The following ILDR2 variants were observed in gnomAD, a reference collection of about 807,000 sequenced individuals.
ILDR2 encodes the protein immunoglobulin-like domain-containing receptor 2.
In ILDR2, 25 loss-of-function variants were observed where a neutral mutation model predicts 66.8. The observed-to-expected ratio is 0.37, with a 90% CI of 0.27 to 0.52. ILDR2 has a LOEUF of 0.52. Ranked by LOEUF, ILDR2 falls within the 20% of genes least tolerant of loss-of-function variation. The pLI is 0.88. For synonymous variants in ILDR2, 367 were observed against 357.2 expected (o/e 1.03, Z -0.31); for missense variants, 827 against 876.8 (o/e 0.94, Z 0.72).
At chr1:166,970,236 A>G (rs1663203898) in intron 1 of ILDR2, among the ~76,000 whole-genome samples, 2 of 152,318 alleles carry the variant, frequency 1.3e-5, no homozygotes, top group African/African-American at 4.8e-5. Context: ...TGTCCTGTCC[A>G]GCAACAGCTC....
intron 4 of ILDR2, among the ~76,000 whole-genome samples, chr1:166,938,893 G>A (rs1418202845): frequency 1.3e-5 from 2 of 152,166 alleles, no homozygotes; most frequent in East Asian, 3.9e-4. Context: ...CTAGGTTGGT[G>A]GATTCAACTG....
At chr1:166,897,002 G>C (rs966721771) in intron 2 of ILDR2, among the ~76,000 whole-genome samples, 1 of 152,178 alleles carries the variant, frequency 6.6e-6, no homozygotes, top group African/African-American at 2.4e-5. Flanking sequence ...CTTACATTAT[G>C]TTTCTATTGC....
At chr1:166,948,733 G>A (rs867231231) in intron 3 of ILDR2, among the ~76,000 whole-genome samples, 8 of 152,140 alleles carry the variant, frequency 5.3e-5, no homozygotes, top group African/African-American at 2.4e-5. Context: ...GCCTCTGCCC[G>A]TGGAATGGGC....
intron 6 of ILDR2, among the ~76,000 whole-genome samples, chr1:166,933,807 G>C (rs1557938585): frequency 6.6e-6 from 1 of 152,164 alleles, no homozygotes; most frequent in Non-Finnish European, 1.5e-5. Flanking sequence ...CTAATTATCT[G>C]TGTGTCACTG....
At chr1:166,961,860 T>C (rs1318444415) in intron 1 of ILDR2, among the ~76,000 whole-genome samples, 1 of 152,182 alleles carries the variant, frequency 6.6e-6, no homozygotes, top group East Asian at 1.9e-4. Context: ...AGGAGTTCAA[T>C]AGTGACAGTG....
intron 3 of ILDR2, among the ~76,000 whole-genome samples, chr1:166,950,717 G>T (rs1661925780): frequency 7.7e-6 from 1 of 129,620 alleles, no homozygotes; most frequent in Admixed American, 7.7e-5. Flanking sequence ...TGAATAATTT[G>T]ATCTAAAATA....
At position 166,920,791 on chromosome 1, in the gene ILDR2, G is replaced by A. The variant is rs773747676; in HGVS notation, c.1800C>T (p.Thr600=). Residue 600 remains threonine (T), a synonymous_variant, in exon 9 of 10, where the codon ACC becomes ACT. Transcript: ENST00000271417. ...ALPPYSELEL[T]RGPSYRGRDL... ...CGCGGCCGCGGTAGGACGGGCCGCG[G>A]GTCAGCTCCAGCTCGCTGTAGGGCG... 5 of 1,531,538 alleles carry A rather than the reference G, an allele frequency of 3.3e-6. No homozygotes were observed. Among genetic ancestry groups the A allele is most frequent in the African/African-American group, 2.8e-5 (2 of 70,570 alleles). 94.9% of individuals were successfully genotyped at this position (1,531,538 alleles called of 1,614,324 possible). A position where few individuals can be genotyped will look rare whatever the true frequency, so the allele number is the denominator to read the frequency against.
chr1:166,919,008 G>C lies in ILDR2; in HGVS notation c.*347C>G, dbSNP rs1296677492. 3 of 413,702 alleles carry C rather than the reference G, an allele frequency of 7.3e-6. No homozygotes were observed. Among genetic ancestry groups the C allele is most frequent in the Admixed American group, 4.0e-5 (1 of 24,764 alleles). 25.6% of individuals were successfully genotyped at this position (413,702 alleles called of 1,614,324 possible). A position where few individuals can be genotyped will look rare whatever the true frequency, so the allele number is the denominator to read the frequency against. ...ATTGTAGGCATAGGCAATTTCTGGA[G>C]TTTAGCAGTCCAGAGCTAACTCTCT... On this transcript the variant is annotated 3_prime_UTR_variant, in exon 10 of 10. Coordinates refer to ENST00000271417, the MANE Select transcript of ILDR2 (RefSeq NM_199351.3).
At chr1:166,935,604 G>T in intron 5 of ILDR2, 127 bp from the exon 6 acceptor site, 1 of 815,728 alleles carries the variant, frequency 1.2e-6, no homozygotes, top group Non-Finnish European at 1.9e-6. Flanking sequence ...GTGAGCGTTT[G>T]TTCTTCTAAA....
chr1:166,929,354 C>T (rs1660495725), intron 6 of ILDR2, among the ~76,000 whole-genome samples: 1 of 152,196 alleles, frequency 6.6e-6, no homozygotes, highest in South Asian at 2.1e-4. Flanking sequence ...CTCTCTCTAA[C>T]TTACAAATCA....
chr1:166,969,628 C>T (rs759725126), intron 1 of ILDR2, among the ~76,000 whole-genome samples: 2 of 152,160 alleles, frequency 1.3e-5, no homozygotes, highest in Non-Finnish European at 2.9e-5. Context: ...GATTTCATTA[C>T]GAAAAACTAA....
chr1:166,904,836 C>T (rs1173994877), downstream of ILDR2, among the ~76,000 whole-genome samples: 1 of 152,146 alleles, frequency 6.6e-6, no homozygotes, highest in Non-Finnish European at 1.5e-5. Context: ...GGCCCAGACG[C>T]CGTTCTCTGG....
rs759364500 is a variant in ILDR2 at position 166,921,319 on chromosome 1, G to A, written c.1272C>T (p.Ala424=). The A allele has an allele frequency of 6.3e-7, 1 of 1,590,006 alleles. No homozygotes were observed. The highest frequency in any genetic ancestry group is 8.6e-7 in the Non-Finnish European group (1 of 1,165,496). ...SRKNFATGVP[A]VSMDELAAFA... is the part of the protein sequence containing the mutation. ...AGGCCGCCAGCTCGTCCATGGAAACGGCCGGCACCCCCGTGGCGAAGTTCT... is the reference window on the plus strand; with the variant it reads ...AGGCCGCCAGCTCGTCCATGGAAACAGCCGGCACCCCCGTGGCGAAGTTCT... Residue 424 remains alanine (A), a synonymous_variant, in exon 9 of 10, where the codon GCC becomes GCT. Transcript: ENST00000271417. This position sits in a 1 kb window ranked among gnomAD's most constrained non-coding sequence, Gnocchi z 5.3.
At position 166,912,973 on chromosome 1, in the gene ILDR2, C is replaced by G. The variant is rs1361654930; in HGVS notation, c.*6382G>C. On this transcript the variant is annotated 3_prime_UTR_variant, in exon 10 of 10. Transcript: ENST00000271417. ...TCTGAATGTTACAGTCTGTGGAGAG[C>G]AGTAAGAGTGACAACAGAATTTATC... The G allele has an allele frequency of 1.3e-5, 2 of 152,162 alleles. No homozygotes were observed. The highest frequency in any genetic ancestry group is 6.6e-5 in the Admixed American group (1 of 15,266). 9.4% of individuals were successfully genotyped at this position (152,162 alleles called of 1,614,324 possible).
chr1:166,958,862 C>A lies in ILDR2; in HGVS notation c.47-761G>T, dbSNP rs151203950. Among the ~76,000 whole-genome samples the A allele has an allele frequency of 6.7e-3, 1,019 of 152,308 alleles. 9 individuals are homozygous for A. Among genetic ancestry groups the A allele is most frequent in the African/African-American group, 0.023 (961 of 41,560 alleles). Reference sequence around the variant, plus strand: ...CTCTTCTTGCTACAGTTCAGATGATCTTTCTAAACTGATTGTTATGGCTCT... The same window carrying A: ...CTCTTCTTGCTACAGTTCAGATGATATTTCTAAACTGATTGTTATGGCTCT... On this transcript the variant is annotated intron_variant, in intron 1 of 9. Coordinates refer to ENST00000271417, the MANE Select transcript of ILDR2 (RefSeq NM_199351.3).
downstream of ILDR2, among the ~76,000 whole-genome samples, chr1:166,903,604 G>C (rs1489769761): frequency 6.6e-6 from 1 of 152,206 alleles, no homozygotes; most frequent in East Asian, 1.9e-4. Context: ...ACAAAAAAGA[G>C]AAGAGATTTG....
downstream of ILDR2, among the ~76,000 whole-genome samples, chr1:166,906,326 G>A (rs1258343153): frequency 1.3e-5 from 2 of 152,162 alleles, no homozygotes. Flanking sequence ...GTGACAGGGC[G>A]AACACTGCAG....
In ILDR2 at chr1:166,909,623, G is replaced by T. The variant is rs1303007107; in HGVS notation, c.*9732C>A. On this transcript the variant is annotated 3_prime_UTR_variant, in exon 10 of 10. Transcript: ENST00000271417. ...CCAGCAACAAAAAGAGGCTGGGAGGGTGGGGTTGTATATTAATGTCCATTA... is the reference window on the plus strand; with the variant it reads ...CCAGCAACAAAAAGAGGCTGGGAGGTTGGGGTTGTATATTAATGTCCATTA... 6.6e-6 allele frequency: 1 copy of T among 151,368 alleles called. No homozygotes were observed. The highest frequency in any genetic ancestry group is 1.5e-5 in the Non-Finnish European group (1 of 67,904). The allele number at this position is 151,368 out of a possible 1,614,324, so 9.4% of individuals were successfully genotyped here. A position where few individuals can be genotyped will look rare whatever the true frequency, so the allele number is the denominator to read the frequency against.
In ILDR2 at chr1:166,918,072, G is replaced by C. The variant is rs1273904053; in HGVS notation, c.*1283C>G. On this transcript the variant is annotated 3_prime_UTR_variant, in exon 10 of 10. Coordinates refer to ENST00000271417, the MANE Select transcript of ILDR2 (RefSeq NM_199351.3). ...ATGGCACCTCTTGATGAGAAGGAAA[G>C]AGTTCGTGGCCATTTTTGCTATCTA... 6.6e-6 allele frequency: 1 copy of C among 151,986 alleles called. No homozygotes were observed. Among genetic ancestry groups the C allele is most frequent in the Non-Finnish European group, 1.5e-5 (1 of 67,968 alleles). 9.4% of individuals were successfully genotyped at this position (151,986 alleles called of 1,614,324 possible). A position where few individuals can be genotyped will look rare whatever the true frequency, so the allele number is the denominator to read the frequency against.
Sources: gnomAD v4.1 joint callset for allele counts (sites outside exome capture counted in the v4.1 genomes callset) on GRCh38, gnomAD v4.1.1 for gene constraint, Gnocchi (gnomAD v3.1) non-coding constraint, MANE v1.5 for transcripts, NCBI Gene and HGNC (gene_info 2026-07-23, HGNC 2026-07-21) for gene names.